LOC128462377: variants seen among roughly 807,000 people sequenced by gnomAD.
chr16:89,387,941 A>C, the LOC128462377 span, among the ~76,000 whole-genome samples: 2 of 149,210 alleles, frequency 1.3e-5, no homozygotes, highest in African/African-American at 4.9e-5. Flanking sequence ...TGAACCCAGG[A>C]GGCAGAGGCT....
the LOC128462377 span, among the ~76,000 whole-genome samples, chr16:89,417,826 C>A: frequency 3.3e-5 from 5 of 151,972 alleles, no homozygotes; most frequent in African/African-American, 7.3e-5. Context: ...AATCCTCATC[C>A]AAGGACAACC....
the LOC128462377 span, among the ~76,000 whole-genome samples, chr16:89,364,079 C>CACAT: frequency 6.6e-6 from 1 of 151,770 alleles, no homozygotes; most frequent in Non-Finnish European, 1.5e-5. Context: ...CACACACACA[C>CACAT]ACACACTCAA....
chr16:89,411,559 A>G, the LOC128462377 span, among the ~76,000 whole-genome samples: 1 of 152,236 alleles, frequency 6.6e-6, no homozygotes, highest in South Asian at 2.1e-4. Flanking sequence ...GACGACAGGC[A>G]CACACAACCA....
the LOC128462377 span, among the ~76,000 whole-genome samples, chr16:89,337,429 C>CTTTTTTTTTTTTTTTTTTT: frequency 9.4e-5 from 5 of 53,134 alleles, 2 homozygotes; most frequent in Non-Finnish European, 1.6e-4. Flanking sequence ...CTAAGCAATT[C>CTTTTTTTTTTTTTTTTTTT]TTTTTTTTTT....
chr16:89,368,727 G>A, the LOC128462377 span, among the ~76,000 whole-genome samples: 1 of 151,714 alleles, frequency 6.6e-6, no homozygotes, highest in Non-Finnish European at 1.5e-5. Flanking sequence ...AGGCAACACA[G>A]TGAGACCAGT....
chr16:89,413,799 T>C, the LOC128462377 span, among the ~76,000 whole-genome samples: 2 of 151,946 alleles, frequency 1.3e-5, no homozygotes, highest in African/African-American at 4.8e-5. Flanking sequence ...CCAGGGAGAC[T>C]CTGCACTCCC....
chr16:89,374,437 T>C, the LOC128462377 span, among the ~76,000 whole-genome samples: 3 of 152,160 alleles, frequency 2.0e-5, no homozygotes, highest in African/African-American at 7.2e-5. Flanking sequence ...CAACAGGAAC[T>C]GTACATCCAG....
the LOC128462377 span, among the ~76,000 whole-genome samples, chr16:89,340,461 G>T: frequency 1.2e-4 from 19 of 152,194 alleles, no homozygotes; most frequent in African/African-American, 4.6e-4. Flanking sequence ...TTTTAGTAGA[G>T]ATGGGGTTTC....
the LOC128462377 span, among the ~76,000 whole-genome samples, chr16:89,390,582 C>A: frequency 4.8e-4 from 73 of 152,248 alleles, no homozygotes; most frequent in African/African-American, 1.7e-3. Context: ...ACATGGAGAA[C>A]CTGACCAAGG....
the LOC128462377 span, among the ~76,000 whole-genome samples, chr16:89,363,065 TA>T: frequency 6.6e-6 from 1 of 152,124 alleles, no homozygotes; most frequent in South Asian, 2.1e-4. Flanking sequence ...GCAGAAGGTA[TA>T]AAAAATGGCC....
chr16:89,329,865 G>T, the LOC128462377 span, among the ~76,000 whole-genome samples: 1 of 152,090 alleles, frequency 6.6e-6, no homozygotes, highest in Non-Finnish European at 1.5e-5. Flanking sequence ...AATTAGCCGG[G>T]CATGGTGGTG....
chr16:89,376,413 A>C, the LOC128462377 span, among the ~76,000 whole-genome samples: 1 of 152,190 alleles, frequency 6.6e-6, no homozygotes, highest in African/African-American at 2.4e-5. Context: ...ATCATCGAGG[A>C]AAAAGGACAT....
At chr16:89,324,291 C>G in the LOC128462377 span, 1 of 1,259,022 alleles carries the variant, frequency 7.9e-7, no homozygotes, top group Admixed American at 2.4e-5. Context: ...CTCCGGAACA[C>G]GGACCACCCG....
At chr16:89,409,452 C>T in the LOC128462377 span, among the ~76,000 whole-genome samples, 2 of 152,188 alleles carry the variant, frequency 1.3e-5, no homozygotes, top group East Asian at 3.8e-4. Flanking sequence ...TTGTGCACGT[C>T]ACGGCCCTGC....
chr16:89,379,144 C>T, the LOC128462377 span, among the ~76,000 whole-genome samples: 2 of 152,194 alleles, frequency 1.3e-5, no homozygotes, highest in Non-Finnish European at 1.5e-5. Context: ...AAGGTGGGGC[C>T]GGCCCCCATG....
chr16:89,383,462 TG>T, the LOC128462377 span, among the ~76,000 whole-genome samples: 1 of 152,198 alleles, frequency 6.6e-6, no homozygotes, highest in Non-Finnish European at 1.5e-5. Context: ...CCCTCCCTGA[TG>T]GGCTCATTTC....
the LOC128462377 span, among the ~76,000 whole-genome samples, chr16:89,340,313 T>C: frequency 6.6e-6 from 1 of 152,278 alleles, no homozygotes; most frequent in Non-Finnish European, 1.5e-5. Context: ...AGTCTCGCTC[T>C]GTCGCCCAGG....
At chr16:89,358,220 T>G in the LOC128462377 span, among the ~76,000 whole-genome samples, 1 of 152,170 alleles carries the variant, frequency 6.6e-6, no homozygotes. Flanking sequence ...CACACCTCAC[T>G]CTGGCATCAG....
the LOC128462377 span, among the ~76,000 whole-genome samples, chr16:89,351,495 C>T: frequency 2.0e-5 from 3 of 152,154 alleles, no homozygotes; most frequent in East Asian, 1.9e-4. Flanking sequence ...CATAAATATA[C>T]GTATTCAAAG....
Sources: gnomAD v4.1 joint callset for allele counts (sites outside exome capture counted in the v4.1 genomes callset) on GRCh38, gnomAD v4.1.1 for gene constraint, MANE v1.5 for transcripts.